PDK2: variants seen among roughly 807,000 people sequenced by gnomAD.
PDK2 encodes pyruvate dehydrogenase kinase, isozyme 2.
In PDK2, 34 loss-of-function variants were observed where a neutral mutation model predicts 50.4. That is an observed-to-expected ratio of 0.68 (90% CI 0.51 to 0.90). The LOEUF is 0.90. Among genes scored for constraint, PDK2 ranks in the 40% least tolerant of loss-of-function variants. The pLI, the probability that PDK2 is intolerant of heterozygous loss-of-function variation, is 0.00. For synonymous variants in PDK2, 232 were observed against 216.0 expected (o/e 1.07, Z -0.65); for missense variants, 377 against 544.5 (o/e 0.69, Z 3.06).
At chr17:50,105,585 T>C in intron 3 of PDK2, 143 bp downstream of exon 3, 1 of 741,554 alleles carries the variant, frequency 1.3e-6, no homozygotes. Flanking sequence ...GGAGACAGAC[T>C]CTGCTTCAGG....
intron 2 of PDK2, among the ~76,000 whole-genome samples, chr17:50,102,096 G>T (rs1034148988): frequency 2.0e-5 from 3 of 152,166 alleles, no homozygotes; most frequent in Admixed American, 2.0e-4. Flanking sequence ...AGCGCCACTC[G>T]TCCCCAATCT....
intron 8 of PDK2, 66 bp downstream of exon 8, chr17:50,108,483 G>C: frequency 6.9e-7 from 1 of 1,441,276 alleles, no homozygotes. Flanking sequence ...GCCAGGAGAC[G>C]GGCTTTCCTT....
Position 50,109,936 on chromosome 17 carries a change from G to A in PDK2, c.1084-21G>A, listed in dbSNP as rs1448069518. ...GACAAGGCACAGGGAGGTGGGAGGG[G>A]CTGACCCTGACACTCCCCAGGCCCT... On this transcript the variant is annotated intron_variant, in intron 10 of 10. Transcript: ENST00000503176. The surrounding 1 kb of genome is among the most constrained non-coding windows in gnomAD (Gnocchi z 5.0). 6.6e-7 allele frequency: 1 copy of A among 1,516,724 alleles called. No homozygotes were observed. The highest frequency in any genetic ancestry group is 2.0e-5 in the Admixed American group (1 of 49,498). 94.0% of individuals were successfully genotyped at this position (1,516,724 alleles called of 1,614,324 possible). A position where few individuals can be genotyped will look rare whatever the true frequency, so the allele number is the denominator to read the frequency against.
At chr17:50,095,657 G>C (rs1909895264) in intron 1 of PDK2, 104 bp downstream of exon 1, 6 of 1,485,928 alleles carry the variant, frequency 4.0e-6, no homozygotes, top group Non-Finnish European at 4.5e-6. Flanking sequence ...CCGAGTGACA[G>C]AGAAGGGTTG....
rs1437080179 is a variant in PDK2 at position 50,101,715 on chromosome 17, AC to A, written c.261-3654del. 2 of 143,522 alleles carry A rather than the reference AC, an allele frequency of 1.4e-5. No individual in the cohort carries two copies. Among genetic ancestry groups the A allele is most frequent in the Admixed American group, 1.4e-4 (2 of 14,654 alleles). The allele number at this position is 143,522 out of a possible 1,614,324, so 8.9% of individuals were successfully genotyped here. On this transcript the variant is annotated intron_variant, in intron 2 of 10. Coordinates refer to ENST00000503176, the MANE Select transcript of PDK2 (RefSeq NM_002611.5). The surrounding 1 kb of genome is among the most constrained non-coding windows in gnomAD (Gnocchi z 4.2). ...TCACTCACCCTCTCCTCCCGCCCCC[AC>A]CGCCCATTATCAGCCCCACACTCTC...
chr17:50,111,928 AC>A lies in PDK2; in HGVS notation c.*1833del, dbSNP rs1910870836. The A allele has an allele frequency of 6.7e-6, 1 of 150,272 alleles. No homozygotes were observed. Among genetic ancestry groups the A allele is most frequent in the Non-Finnish European group, 1.5e-5 (1 of 67,652 alleles). 9.3% of individuals were successfully genotyped at this position (150,272 alleles called of 1,614,324 possible). A position where few individuals can be genotyped will look rare whatever the true frequency, so the allele number is the denominator to read the frequency against. ...GGGGCAGATGGGGGAGGGCTGATGA[AC>A]CTTTCCAATCTCGTAGCTGCCGGGG... On this transcript the variant is annotated 3_prime_UTR_variant, in exon 11 of 11. Transcript: ENST00000503176.
In PDK2 at chr17:50,108,108, G is replaced by A. The variant is rs766055228; in HGVS notation, c.686-48G>A. 14 of 1,503,254 alleles carry A rather than the reference G, an allele frequency of 9.3e-6. No homozygotes were observed. The Admixed American group carries it at 1.6e-4, about 17-fold the overall frequency. The allele number at this position is 1,503,254 out of a possible 1,614,324, so 93.1% of individuals were successfully genotyped here. The stretch of plus-strand genomic sequence containing the variant: ...CTCCTTTGGGTAAGGTGGTTGAGCA[G>A]TGACCTCCTGACGGTTTCCTGACCC... On this transcript the variant is annotated intron_variant, in intron 6 of 10. Coordinates refer to ENST00000503176, the MANE Select transcript of PDK2 (RefSeq NM_002611.5).
At chr17:50,103,968 G>A (rs1313774870) in intron 2 of PDK2, among the ~76,000 whole-genome samples, 2 of 152,168 alleles carry the variant, frequency 1.3e-5, no homozygotes, top group African/African-American at 2.4e-5. Flanking sequence ...ATGAGTCCTC[G>A]TGTGGAGGGG....
intron 2 of PDK2, among the ~76,000 whole-genome samples, chr17:50,103,562 C>T (rs1160528478): frequency 6.6e-6 from 1 of 152,108 alleles, no homozygotes; most frequent in African/African-American, 2.4e-5. Context: ...TATAACAATC[C>T]CCATTTTCCT....
At chr17:50,105,171 T>C (rs536871221) in intron 2 of PDK2, 200 bp from the exon 3 acceptor site, 1 of 474,038 alleles carries the variant, frequency 2.1e-6, no homozygotes, top group East Asian at 3.5e-5. Flanking sequence ...ATTTGAAGTT[T>C]TCTTGCATAA....
rs1347784882 is a variant in PDK2, at chr17:50,101,631, C to T, written c.261-3740C>T. Among the ~76,000 whole-genome samples, 1 of 152,164 alleles carries T rather than the reference C, an allele frequency of 6.6e-6. No individual in the cohort carries two copies. Among genetic ancestry groups the T allele is most frequent in the Admixed American group, 6.5e-5 (1 of 15,294 alleles). ...CCACATGCACACAATTACACACACT[C>T]CCCCGCTGGCTCAGCACCCCCTCTG... On this transcript the variant is annotated intron_variant, in intron 2 of 10. Coordinates refer to ENST00000503176, the MANE Select transcript of PDK2 (RefSeq NM_002611.5). This position sits in a 1 kb window ranked among gnomAD's most constrained non-coding sequence, Gnocchi z 4.2.
At chr17:50,105,298 C>T in intron 2 of PDK2, 73 bp from the exon 3 acceptor site, 1 of 1,097,822 alleles carries the variant, frequency 9.1e-7, no homozygotes, top group Admixed American at 2.6e-5. Flanking sequence ...GAGCAAGGCC[C>T]AGTTGAATGA....
intron 4 of PDK2, chr17:50,106,533 T>G: frequency 1.8e-6 from 1 of 543,294 alleles, no homozygotes; most frequent in Non-Finnish European, 3.2e-6. Context: ...ATAAATGCAA[T>G]GTGGAGATGT....
intron 2 of PDK2, chr17:50,098,487 G>A (rs375573181): frequency 6.6e-6 from 1 of 152,160 alleles, no homozygotes; most frequent in Non-Finnish European, 1.5e-5. Flanking sequence ...CAAAGAGTTC[G>A]TTTTATTTAA....
Position 50,109,494 on chromosome 17 carries a change from C to T in PDK2, c.1083+94C>T. On this transcript the variant is annotated intron_variant, in intron 10 of 10. Coordinates refer to ENST00000503176, the MANE Select transcript of PDK2 (RefSeq NM_002611.5). This position sits in a 1 kb window ranked among gnomAD's most constrained non-coding sequence, Gnocchi z 5.0. ...AGCTGCGAGCTTTCCTTTCCATCCC[C>T]CCAGTCCTTCCCTGGCCCCAGACTC... is the stretch of plus-strand genomic sequence containing the variant. 1 of 664,532 alleles carries T rather than the reference C, an allele frequency of 1.5e-6. No individual in the cohort carries two copies. Among genetic ancestry groups the T allele is most frequent in the South Asian group, 2.0e-5 (1 of 50,582 alleles). 41.2% of individuals were successfully genotyped at this position (664,532 alleles called of 1,614,324 possible). A position where few individuals can be genotyped will look rare whatever the true frequency, so the allele number is the denominator to read the frequency against.
upstream of PDK2, among the ~76,000 whole-genome samples, chr17:50,095,074 C>A (rs1909856897): frequency 6.6e-6 from 1 of 152,216 alleles, no homozygotes; most frequent in Non-Finnish European, 1.5e-5. Flanking sequence ...GCTGGCGGGG[C>A]TCTGGGAAGG....
chr17:50,106,510 G>T, intron 4 of PDK2: 2 of 515,076 alleles, frequency 3.9e-6, no homozygotes, highest in East Asian at 6.5e-5. Context: ...GAATGTTATA[G>T]TCAAAGAAAA....
chr17:50,099,448 G>C (rs1910105511), intron 2 of PDK2, among the ~76,000 whole-genome samples: 1 of 152,244 alleles, frequency 6.6e-6, no homozygotes, highest in Non-Finnish European at 1.5e-5. Flanking sequence ...GTAATGTCAA[G>C]TAACAGCAGG....
At chr17:50,100,063 AG>A (rs1248327519) in intron 2 of PDK2, among the ~76,000 whole-genome samples, 3 of 152,168 alleles carry the variant, frequency 2.0e-5, no homozygotes, top group Non-Finnish European at 4.4e-5. Context: ...GCCTGAGAGG[AG>A]GGGGGAGACT....
Sources: gnomAD v4.1 joint callset for allele counts (sites outside exome capture counted in the v4.1 genomes callset) on GRCh38, gnomAD v4.1.1 for gene constraint, Gnocchi (gnomAD v3.1) non-coding constraint, MANE v1.5 for transcripts, NCBI Gene and HGNC (gene_info 2026-07-23, HGNC 2026-07-21) for gene names.